Variants in BLM observed in about 807,000 individuals in gnomAD.
The protein encoded by BLM is BLM RecQ like helicase.
BLM carries 95 observed loss-of-function variants against 135.3 expected under a neutral mutation model. The ratio of observed to expected loss-of-function variants is 0.70; its 90% CI spans 0.59 to 0.83. The LOEUF (loss-of-function observed/expected upper bound fraction) is 0.83. Ranked by LOEUF, BLM falls within the 40% of genes least tolerant of loss-of-function variation. BLM has a pLI of 0.00. For synonymous variants in BLM, 520 were observed against 589.2 expected, an observed-to-expected ratio of 0.88 and a Z score of 1.70; for missense variants, 1,518 against 1,663.9, an observed-to-expected ratio of 0.91 and a Z score of 1.53.
chr15:90,762,933 A>G, intron 7 of BLM, 33 bp from the exon 8 acceptor site: 2 of 1,585,386 alleles, frequency 1.3e-6, no homozygotes, highest in South Asian at 2.2e-5. Context: ...GTATTCATGT[A>G]CTGATTTTTC....
At chr15:90,778,193 T>G (rs1029905507) in intron 12 of BLM, among the ~76,000 whole-genome samples, 1 of 152,222 alleles carries the variant, frequency 6.6e-6, no homozygotes, top group Non-Finnish European at 1.5e-5. Flanking sequence ...TGTCTTGGTT[T>G]TAATTGGATT....
chr15:90,770,724 C>A (rs888840451), intron 12 of BLM, among the ~76,000 whole-genome samples: 1 of 152,074 alleles, frequency 6.6e-6, no homozygotes, highest in East Asian at 1.9e-4. Context: ...TTTTAAAGCA[C>A]GGCTTTTGTT....
intron 1 of BLM, among the ~76,000 whole-genome samples, chr15:90,735,160 A>T (rs1350738606): frequency 6.7e-6 from 1 of 149,934 alleles, no homozygotes; most frequent in African/African-American, 2.4e-5. Context: ...ACACTTCTGA[A>T]TAACAAAAAT....
At chr15:90,758,320 C>G (rs1401047899) in intron 5 of BLM, among the ~76,000 whole-genome samples, 2 of 152,064 alleles carry the variant, frequency 1.3e-5, no homozygotes, top group Non-Finnish European at 2.9e-5. Flanking sequence ...AAATCCCCAT[C>G]TCTAATAAAA....
At chr15:90,805,831 G>A (rs72753645) in intron 19 of BLM, among the ~76,000 whole-genome samples, 23,247 of 151,516 alleles carry the variant, frequency 0.15, 1,893 homozygotes, top group Non-Finnish European at 0.19. Context: ...GCATCCGGCC[G>A]GATTATTGTA....
In BLM at chr15:90,815,626, C is replaced by A; in HGVS notation, c.*347C>A. The A allele has an allele frequency of 6.6e-6, 2 of 304,092 alleles. No individual in the cohort carries two copies. Among genetic ancestry groups the A allele is most frequent in the Non-Finnish European group, 6.2e-6 (1 of 161,608 alleles). The allele number at this position is 304,092 out of a possible 1,614,324, so 18.8% of individuals were successfully genotyped here. A position where few individuals can be genotyped will look rare whatever the true frequency, so the allele number is the denominator to read the frequency against. ...TGAAACTAAAGCTTTTCGTGTAAGA[C>A]AACACAAACAAAATTTAAAGACAAA... On this transcript the variant is annotated 3_prime_UTR_variant, in exon 22 of 22. Transcript: ENST00000355112. The surrounding 1 kb of genome is among the most constrained non-coding windows in gnomAD (Gnocchi z 4.6).
At chr15:90,726,622 CTG>C (rs1894925325) in intron 1 of BLM, among the ~76,000 whole-genome samples, 1 of 152,170 alleles carries the variant, frequency 6.6e-6, no homozygotes, top group Admixed American at 6.6e-5. Flanking sequence ...CCAGTGTCCT[CTG>C]TTCTAGATTT....
At chr15:90,798,401 T>C in intron 17 of BLM, 64 bp downstream of exon 17, 1 of 1,524,538 alleles carries the variant, frequency 6.6e-7, no homozygotes. Context: ...AAGAATTTAT[T>C]ACAAGTACAT....
Position 90,815,238 on chromosome 15 carries a change from A to G in BLM, c.4213A>G (p.Ile1405Val), listed in dbSNP as rs780858017. Residue 1405 changes from isoleucine to valine, a missense_variant, in exon 22 of 22, where the codon ATA becomes GTA. Physicochemically the swap from Ile to Val is conservative, Grantham distance 29 (BLOSUM62 3). This residue lies in a region of BLM where 153 missense variants were observed against 173.4 expected (regional missense o/e 0.88). Coordinates refer to ENST00000355112, the MANE Select transcript of BLM (RefSeq NM_000057.4). This position sits in a 1 kb window ranked among gnomAD's most constrained non-coding sequence, Gnocchi z 4.6. The part of the protein sequence containing the change: ...KLGIMAPPKP[I>V]NRPFLKPSYA... ...GGGGATTATGGCTCCACCGAAGCCT[A>G]TAAATAGACCGTTTCTTAAGCCTTC... 6.2e-7 allele frequency: 1 copy of G among 1,614,238 alleles called. No homozygotes were observed. The highest frequency in any genetic ancestry group is 8.5e-7 in the Non-Finnish European group (1 of 1,180,028).
chr15:90,738,969 C>A lies in BLM; in HGVS notation c.-4-8420C>A, dbSNP rs920201949. ...AATTACCATATGATTCAGCAATTCT[C>A]AAAAAGATATTTGTACACCCATGTT... On this transcript the variant is annotated intron_variant, in intron 1 of 21. Coordinates refer to ENST00000355112, the MANE Select transcript of BLM (RefSeq NM_000057.4). Among the ~76,000 whole-genome samples, 6 of 152,256 alleles carry A rather than the reference C, an allele frequency of 3.9e-5. No individual in the cohort carries two copies. In the East Asian group the frequency reaches 1.2e-3, roughly 29 times the overall value.
intron 4 of BLM, 34 bp from the exon 5 acceptor site, chr15:90,754,777 A>AGTAT (rs1198350396): frequency 5.0e-6 from 8 of 1,605,382 alleles, no homozygotes; most frequent in Non-Finnish European, 5.1e-6. Context: ...TCTAGCCTAT[A>AGTAT]GTATGATTGG....
intron 4 of BLM, among the ~76,000 whole-genome samples, chr15:90,752,404 T>C (rs796297777): frequency 3.9e-4 from 60 of 152,256 alleles, no homozygotes; most frequent in African/African-American, 1.4e-3. Flanking sequence ...CTTGAACCCC[T>C]GAGCTCAGGC....
rs570766547 is a variant in BLM, at chr15:90,805,999, G to A, written c.3751+1640G>A. Among the ~76,000 whole-genome samples, 6 of 151,946 alleles carry A rather than the reference G, an allele frequency of 3.9e-5. No individual in the cohort carries two copies. In the South Asian group the frequency reaches 1.2e-3, roughly 32 times the overall value. Reference sequence around the variant, plus strand: ...CGAGTAGCTGGGATTACAGGCATGCGCCCACCATTTACTTTGATTATATGT... The same window carrying A: ...CGAGTAGCTGGGATTACAGGCATGCACCCACCATTTACTTTGATTATATGT... On this transcript the variant is annotated intron_variant, in intron 19 of 21. Transcript: ENST00000355112.
At chr15:90,760,035 C>T (rs1373534825) in intron 5 of BLM, 112 bp from the exon 6 acceptor site, 13 of 1,026,428 alleles carry the variant, frequency 1.3e-5, no homozygotes, top group Non-Finnish European at 1.9e-5. Context: ...AGCAATCCTC[C>T]TGCCTTGGCC....
chr15:90,725,412 T>G (rs1485330698), intron 1 of BLM, among the ~76,000 whole-genome samples: 3 of 152,200 alleles, frequency 2.0e-5, no homozygotes, highest in African/African-American at 7.2e-5. Context: ...TATAGTAGTA[T>G]TTTCTGGTAG....
chr15:90,767,071 T>C (rs748917059), intron 10 of BLM, 48 bp downstream of exon 10: 2 of 1,203,934 alleles, frequency 1.7e-6, no homozygotes, highest in Non-Finnish European at 2.3e-6. Flanking sequence ...ACCACTAGAA[T>C]ACATATATTT....
At position 90,751,535 on chromosome 15, in the gene BLM, G is replaced by C. The variant is rs556575674; in HGVS notation, c.800-252G>C. Among the ~76,000 whole-genome samples, 13 of 152,308 alleles carry C rather than the reference G, an allele frequency of 8.5e-5. No individual in the cohort carries two copies. The East Asian group carries it at 2.5e-3, about 29-fold the overall frequency. Reference sequence around the variant, plus strand: ...CAAATACGTGTTTCGTAATTAACCAGAGACAGACATGAAAATCCCTAAGCA... The same window carrying C: ...CAAATACGTGTTTCGTAATTAACCACAGACAGACATGAAAATCCCTAAGCA... On this transcript the variant is annotated intron_variant, in intron 3 of 21. Coordinates refer to ENST00000355112, the MANE Select transcript of BLM (RefSeq NM_000057.4).
At chr15:90,788,833 C>G (rs1896825862) in intron 14 of BLM, among the ~76,000 whole-genome samples, 1 of 151,728 alleles carries the variant, frequency 6.6e-6, no homozygotes, top group Admixed American at 6.6e-5. Flanking sequence ...ATTAGCCTGG[C>G]ATGCTGGTGC....
chr15:90,802,779 A>C (rs1348323190), intron 17 of BLM, among the ~76,000 whole-genome samples: 2 of 152,134 alleles, frequency 1.3e-5, no homozygotes, highest in African/African-American at 4.8e-5. Context: ...CCTCGTCTCT[A>C]CAAAAAAATT....
Sources: allele counts gnomAD v4.1 joint callset (sites outside exome capture counted in the v4.1 genomes callset), GRCh38; gene constraint gnomAD v4.1.1; regional missense constraint gnomAD v4.1.1; non-coding constraint Gnocchi (gnomAD v3.1); transcripts MANE v1.5; gene names NCBI Gene and HGNC (gene_info 2026-07-23, HGNC 2026-07-21).